The following ATRN variants were observed in gnomAD, a reference collection of about 807,000 sequenced individuals.
ATRN encodes attractin, also known as attractin-2.
Under a neutral mutation model 178.7 loss-of-function variants are expected in ATRN, and 54 were observed. That is an observed-to-expected ratio of 0.30 (90% CI 0.24 to 0.38). ATRN has a LOEUF of 0.38. Ranked by LOEUF, ATRN falls within the 10% of genes least tolerant of loss-of-function variation. The probability of loss-of-function intolerance (pLI) is 1.00; values close to 1 mark genes in which losing one functional copy is unlikely to be tolerated. For missense variants in ATRN, 1,443 were observed against 1,815.1 expected (o/e 0.79, Z 3.73); for synonymous variants, 636 against 663.0 (o/e 0.96, Z 0.63).
At chr20:3,558,384 A>G (rs1297466063) in intron 6 of ATRN, among the ~76,000 whole-genome samples, 6 of 151,844 alleles carry the variant, frequency 4.0e-5, no homozygotes, top group Non-Finnish European at 7.4e-5. Flanking sequence ...ATGGACATTT[A>G]TTTGTATTCT....
intron 12 of ATRN, among the ~76,000 whole-genome samples, chr20:3,573,535 A>G (rs866573120): frequency 2.0e-5 from 3 of 152,220 alleles, no homozygotes; most frequent in Middle Eastern, 3.4e-3. Flanking sequence ...CTGTCCTTGC[A>G]AAGTATTTTT....
chr20:3,575,994 A>G lies in ATRN; in HGVS notation c.2214+46A>G, dbSNP rs3914318. 554 of 1,602,110 alleles carry G rather than the reference A, an allele frequency of 3.5e-4. 4 individuals are homozygous for G. The highest frequency in any genetic ancestry group is 2.4e-3 in the East Asian group (106 of 44,642). On this transcript the variant is annotated intron_variant, in intron 13 of 28. Coordinates refer to ENST00000262919, the MANE Select transcript of ATRN (RefSeq NM_139321.3). ...GATTTCAGAAAAATCCCAATTTGTC[A>G]TAGGTTTAGCTTTTATAGTGTATAT...
chr20:3,546,336 T>G (rs117929626), intron 4 of ATRN, among the ~76,000 whole-genome samples: 102 of 152,080 alleles, frequency 6.7e-4, no homozygotes, highest in Non-Finnish European at 1.3e-3. Flanking sequence ...TTACATTGTT[T>G]CAAAGCACTG....
chr20:3,565,336 T>C lies in ATRN; in HGVS notation c.1787-12T>C, dbSNP rs949178484. ...GGTAGTCCGTTTAAAAATATATTTT[T>C]CTTTCTCCTAGCCTGTGACCGCTGG... On this transcript the variant is annotated splice_polypyrimidine_tract_variant and intron_variant, in intron 10 of 28. Coordinates refer to ENST00000262919, the MANE Select transcript of ATRN (RefSeq NM_139321.3). 1 of 1,607,654 alleles carries C rather than the reference T, an allele frequency of 6.2e-7. No individual in the cohort carries two copies.
At chr20:3,520,581 G>A (rs1355314139) in intron 1 of ATRN, among the ~76,000 whole-genome samples, 4 of 152,008 alleles carry the variant, frequency 2.6e-5, no homozygotes, top group Admixed American at 6.6e-5. Context: ...TGTTACCTCC[G>A]CCTCCTGGGT....
chr20:3,625,787 C>G (rs1002226879), intron 25 of ATRN, among the ~76,000 whole-genome samples: 2 of 152,178 alleles, frequency 1.3e-5, no homozygotes, highest in African/African-American at 4.8e-5. Flanking sequence ...ATTGAAGTCT[C>G]TGTTTCCCAG....
rs1322042680 is a variant in ATRN, at chr20:3,645,217, C to T, written c.4165+949C>T. ...CTGGTGGAAAGGCTGCCCCAGGATA[C>T]TGGTCCAGGCCCTGAGCTCCACTGT... is the stretch of plus-strand genomic sequence containing the variant. On this transcript the variant is annotated intron_variant, in intron 28 of 28. Coordinates refer to ENST00000262919, the MANE Select transcript of ATRN (RefSeq NM_139321.3). This position sits in a 1 kb window ranked among gnomAD's most constrained non-coding sequence, Gnocchi z 4.7. Among the ~76,000 whole-genome samples, 1 of 152,228 alleles carries T rather than the reference C, an allele frequency of 6.6e-6. No individual in the cohort carries two copies. The highest frequency in any genetic ancestry group is 1.5e-5 in the Non-Finnish European group (1 of 68,036).
rs1293454826 is a variant in ATRN, at chr20:3,632,364, C to T, written c.3864-1947C>T. Among the ~76,000 whole-genome samples the T allele has an allele frequency of 6.6e-6, 1 of 152,124 alleles. No homozygotes were observed. Among genetic ancestry groups the T allele is most frequent in the Non-Finnish European group, 1.5e-5 (1 of 68,016 alleles). ...GCTCTTTCCCAATGCCCTCATAATG[C>T]TTGCAGTGCCCCACATGATCTGCCC... On this transcript the variant is annotated intron_variant, in intron 25 of 28. Transcript: ENST00000262919. This position sits in a 1 kb window ranked among gnomAD's most constrained non-coding sequence, Gnocchi z 4.2.
chr20:3,525,995 C>A (rs984045038), intron 1 of ATRN, among the ~76,000 whole-genome samples: 6 of 152,242 alleles, frequency 3.9e-5, no homozygotes, highest in Non-Finnish European at 4.4e-5. Flanking sequence ...TGGCACAAGA[C>A]AAGGATGCCC....
intron 24 of ATRN, among the ~76,000 whole-genome samples, chr20:3,608,989 A>AAG (rs1397529594): frequency 2.0e-5 from 3 of 151,702 alleles, no homozygotes; most frequent in Non-Finnish European, 4.4e-5. Flanking sequence ...GAAAAAAAAA[A>AAG]AAAGAAATGC....
intron 19 of ATRN, among the ~76,000 whole-genome samples, chr20:3,592,142 G>A (rs538903763): frequency 1.6e-4 from 25 of 152,342 alleles, no homozygotes; most frequent in Non-Finnish European, 2.8e-4. Context: ...GCTCACGCCT[G>A]TAATCCCAGC....
At chr20:3,581,039 C>G (rs1340408582) in intron 15 of ATRN, among the ~76,000 whole-genome samples, 1 of 151,874 alleles carries the variant, frequency 6.6e-6, no homozygotes, top group South Asian at 2.1e-4. Flanking sequence ...CCCAGGAGTT[C>G]AAGACTAGCC....
intron 5 of ATRN, among the ~76,000 whole-genome samples, chr20:3,548,908 C>T (rs1355595545): frequency 1.3e-5 from 2 of 152,058 alleles, no homozygotes; most frequent in African/African-American, 4.8e-5. Context: ...GTGCTTTCTC[C>T]TGAGAGTTGC....
chr20:3,554,874 A>C (rs539848447), intron 6 of ATRN, among the ~76,000 whole-genome samples: 6 of 151,982 alleles, frequency 3.9e-5, no homozygotes, highest in Non-Finnish European at 8.8e-5. Context: ...GCTTTTTTTA[A>C]GTTTAAAAAA....
chr20:3,576,981 G>C lies in ATRN; in HGVS notation c.2337G>C (p.Glu779Asp), dbSNP rs979754642. The change falls in exon 14 of 29, where the codon GAG becomes GAC. Residue 779 changes from glutamate to aspartate, a missense_variant. This residue lies in a region of ATRN where 212 missense variants were observed against 330.7 expected (regional missense o/e 0.64). Transcript: ENST00000262919. ...GCCAGTGGGAGCCCCGGAATCAGGAGTGCATTGCCCTGCCCGGTAGGCCTT... is the reference window on the plus strand; with the variant it reads ...GCCAGTGGGAGCCCCGGAATCAGGACTGCATTGCCCTGCCCGGTAGGCCTT... ...QNCQWEPRNQ[E>D]CIALPENICG... 1 of 1,614,050 alleles carries C rather than the reference G, an allele frequency of 6.2e-7. No homozygotes were observed. Among genetic ancestry groups the C allele is most frequent in the Admixed American group, 1.7e-5 (1 of 60,018 alleles).
intron 16 of ATRN, among the ~76,000 whole-genome samples, chr20:3,583,580 G>A (rs564719930): frequency 1.3e-5 from 2 of 152,224 alleles, no homozygotes; most frequent in South Asian, 2.1e-4. Flanking sequence ...AGGCCAAGAC[G>A]GGTGGATCAC....
intron 23 of ATRN, among the ~76,000 whole-genome samples, chr20:3,603,678 G>T (rs187086006): frequency 6.6e-6 from 1 of 152,082 alleles, no homozygotes; most frequent in East Asian, 1.9e-4. Context: ...TAGTAGAGAC[G>T]GGGTTTCTCC....
At chr20:3,611,788 A>T (rs1165403424) in intron 24 of ATRN, among the ~76,000 whole-genome samples, 2 of 152,202 alleles carry the variant, frequency 1.3e-5, no homozygotes, top group Non-Finnish European at 2.9e-5. Flanking sequence ...TTGAAAGCAC[A>T]ATGAGATAAC....
At chr20:3,608,954 C>T (rs555059936) in intron 24 of ATRN, among the ~76,000 whole-genome samples, 15 of 133,256 alleles carry the variant, frequency 1.1e-4, no homozygotes, top group Non-Finnish European at 1.2e-4. Flanking sequence ...GCAAACAAAG[C>T]GAGACTCTGT....
Sources: gnomAD v4.1 joint callset for allele counts (sites outside exome capture counted in the v4.1 genomes callset) on GRCh38, gnomAD v4.1.1 for gene constraint, gnomAD v4.1.1 regional missense constraint, Gnocchi (gnomAD v3.1) non-coding constraint, MANE v1.5 for transcripts, NCBI Gene and HGNC (gene_info 2026-07-23, HGNC 2026-07-21) for gene names.